The following AP1S3 variants were observed in gnomAD, a reference collection of about 807,000 sequenced individuals.
AP1S3 encodes AP-1 complex subunit sigma-3.
A neutral mutation model predicts 20.9 loss-of-function variants in AP1S3; 10 were observed. The observed-to-expected ratio is 0.48, with a 90% CI of 0.29 to 0.81. The LOEUF is 0.81. Ranked by LOEUF, AP1S3 falls within the 30% of genes least tolerant of loss-of-function variation. AP1S3 has a pLI of 0.08. For synonymous variants in AP1S3, 41 were observed against 61.5 expected, an observed-to-expected ratio of 0.67 and a Z score of 1.56; for missense variants, 154 against 183.8, an observed-to-expected ratio of 0.84 and a Z score of 0.94.
intron 1 of AP1S3, among the ~76,000 whole-genome samples, chr2:223,780,306 TATAGAG>T (rs1221038513): frequency 1.8e-3 from 81 of 44,982 alleles, no homozygotes; most frequent in East Asian, 3.3e-3. Flanking sequence ...TATATATATA[TATAGAG>T]AGAGAGAGAG....
chr2:223,776,508 T>C (rs1248977428), intron 2 of AP1S3, among the ~76,000 whole-genome samples: 1 of 152,134 alleles, frequency 6.6e-6, no homozygotes, highest in Non-Finnish European at 1.5e-5. Context: ...TTTACTCCAT[T>C]GAATATCAAT....
intron 4 of AP1S3, among the ~76,000 whole-genome samples, chr2:223,763,390 C>G (rs1429744701): frequency 1.3e-5 from 2 of 152,130 alleles, no homozygotes; most frequent in African/African-American, 2.4e-5. Context: ...TGTGTCTTGG[C>G]CCCCAATTCA....
intron 1 of AP1S3, among the ~76,000 whole-genome samples, chr2:223,809,407 G>A (rs1451312475): frequency 8.5e-5 from 13 of 152,116 alleles, no homozygotes; most frequent in Admixed American, 3.3e-4. Context: ...CACTTCGGGA[G>A]GCCAAGGCGG....
At chr2:223,796,766 C>T (rs1044157875) in intron 1 of AP1S3, among the ~76,000 whole-genome samples, 14 of 152,138 alleles carry the variant, frequency 9.2e-5, no homozygotes, top group African/African-American at 3.1e-4. Flanking sequence ...TAGGTTCAAG[C>T]GATTCTCCCG....
intron 4 of AP1S3, 94 bp downstream of exon 4, chr2:223,765,119 A>C: frequency 5.9e-6 from 9 of 1,513,458 alleles, no homozygotes; most frequent in Admixed American, 2.0e-5. Context: ...AGCACAGAGT[A>C]AGTACTCAGT....
intron 1 of AP1S3, among the ~76,000 whole-genome samples, chr2:223,788,653 A>G (rs1196238926): frequency 6.6e-6 from 1 of 151,500 alleles, no homozygotes; most frequent in African/African-American, 2.4e-5. Flanking sequence ...AATCCCAGCT[A>G]CTTGGGAGGC....
At chr2:223,779,466 G>T (rs1690871215) in intron 1 of AP1S3, among the ~76,000 whole-genome samples, 1 of 152,144 alleles carries the variant, frequency 6.6e-6, no homozygotes, top group Non-Finnish European at 1.5e-5. Flanking sequence ...TTTGGGAATT[G>T]TCAGATGGCC....
intron 1 of AP1S3, among the ~76,000 whole-genome samples, chr2:223,816,420 T>C (rs565031005): frequency 2.6e-5 from 4 of 151,866 alleles, no homozygotes; most frequent in Middle Eastern, 3.4e-3. Context: ...CAAAGCCAGG[T>C]TTCCGGGCCA....
At chr2:223,792,942 A>G (rs1013377499) in intron 1 of AP1S3, among the ~76,000 whole-genome samples, 2 of 152,228 alleles carry the variant, frequency 1.3e-5, no homozygotes, top group African/African-American at 4.8e-5. Flanking sequence ...TCAAAAGAAG[A>G]CATACATGTA....
chr2:223,758,842 C>A, intron 4 of AP1S3, 92 bp from the exon 5 acceptor site: 1 of 1,144,584 alleles, frequency 8.7e-7, no homozygotes, highest in South Asian at 1.6e-5. Flanking sequence ...ATTTATTTGC[C>A]ATTGTTGAAA....
At chr2:223,778,399 T>G (rs997144523) in intron 1 of AP1S3, among the ~76,000 whole-genome samples, 1 of 152,120 alleles carries the variant, frequency 6.6e-6, no homozygotes, top group Non-Finnish European at 1.5e-5. Flanking sequence ...GTGCTGGGAT[T>G]ACAGGCATGA....
At position 223,837,059 on chromosome 2, in the gene AP1S3, T is replaced by C. The variant is rs537507018; in HGVS notation, c.3+389A>G. On this transcript the variant is annotated intron_variant, in intron 1 of 4. Coordinates refer to ENST00000396654, the MANE Select transcript of AP1S3 (RefSeq NM_001039569.2). ...ACTTTAGAAGTTCTCTTCATTTTAC[T>C]TGTATATTGGACGTGTCCCTCCCTC... 5.3e-5 allele frequency among the ~76,000 whole-genome samples: 8 copies of C among 152,192 alleles called. 1 individual carries two copies. The highest frequency in any genetic ancestry group is 1.9e-4 in the African/African-American group (8 of 41,526).
At chr2:223,822,302 G>A (rs1015868462) in intron 1 of AP1S3, among the ~76,000 whole-genome samples, 1 of 152,014 alleles carries the variant, frequency 6.6e-6, no homozygotes, top group Non-Finnish European at 1.5e-5. Flanking sequence ...TGAGACAAGA[G>A]GATTGCTTGA....
chr2:223,770,004 A>G (rs1055228049), intron 3 of AP1S3, among the ~76,000 whole-genome samples: 10 of 152,136 alleles, frequency 6.6e-5, no homozygotes, highest in Non-Finnish European at 1.2e-4. Flanking sequence ...TCGGCCTCCC[A>G]AAGTGCTGGG....
intron 1 of AP1S3, among the ~76,000 whole-genome samples, chr2:223,836,315 T>C (rs941571233): frequency 2.6e-5 from 4 of 152,212 alleles, no homozygotes; most frequent in African/African-American, 4.8e-5. Flanking sequence ...AAGAGGAGCC[T>C]GAGCTATCGC....
rs768187536 is a variant in AP1S3 at position 223,777,765 on chromosome 2, A to G, written c.108T>C (p.Val36=). Residue 36 remains valine, a synonymous_variant, in exon 2 of 5, where the codon GTT becomes GTC. Transcript: ENST00000396654. ...KERKKITREI[V]QIILSRGHRT... ...TGTGACCACGGGAGAGAATAATCTG[A>G]ACAATTTCCCGGGTGATCTTCTTCC... 1.9e-6 allele frequency: 3 copies of G among 1,614,182 alleles called. No individual in the cohort carries two copies. Among genetic ancestry groups the G allele is most frequent in the Non-Finnish European group, 1.7e-6 (2 of 1,180,030 alleles).
At chr2:223,763,191 G>C (rs1443286299) in intron 4 of AP1S3, among the ~76,000 whole-genome samples, 1 of 152,134 alleles carries the variant, frequency 6.6e-6, no homozygotes, top group African/African-American at 2.4e-5. Context: ...GGACACCAGG[G>C]CTAAATGCAA....
At chr2:223,818,742 C>T (rs984872143) in intron 1 of AP1S3, among the ~76,000 whole-genome samples, 5 of 151,982 alleles carry the variant, frequency 3.3e-5, no homozygotes, top group African/African-American at 7.2e-5. Context: ...TTAGTAGAGA[C>T]GGGGTCTCAC....
At chr2:223,815,138 T>C (rs1202950450) in intron 1 of AP1S3, among the ~76,000 whole-genome samples, 1 of 152,214 alleles carries the variant, frequency 6.6e-6, no homozygotes, top group Admixed American at 6.5e-5. Context: ...ATTTTACCAA[T>C]AGGGTGACAG....
Sources: gnomAD v4.1 joint callset for allele counts (sites outside exome capture counted in the v4.1 genomes callset) on GRCh38, gnomAD v4.1.1 for gene constraint, MANE v1.5 for transcripts, NCBI Gene and HGNC (gene_info 2026-07-23, HGNC 2026-07-21) for gene names.